CACNA1E: variants seen among roughly 807,000 people sequenced by gnomAD.
CACNA1E encodes calcium voltage-gated channel subunit alpha1 E, also known as voltage-dependent R-type calcium channel subunit alpha-1E.
Under a neutral mutation model 259.2 loss-of-function variants are expected in CACNA1E, and 40 were observed. The observed-to-expected ratio is 0.15, with a 90% CI of 0.12 to 0.20. The LOEUF (loss-of-function observed/expected upper bound fraction) is 0.20, where lower values mean the gene tolerates loss of function less well. Ranked by LOEUF, CACNA1E falls within the 10% of genes least tolerant of loss-of-function variation. The probability of loss-of-function intolerance (pLI) is 1.00; values close to 1 mark genes in which losing one functional copy is unlikely to be tolerated. For synonymous variants in CACNA1E, 1,104 were observed against 1,138.5 expected (o/e 0.97, Z 0.61); for missense variants, 1,874 against 3,040.1 (o/e 0.62, Z 9.02).
intron 25 of CACNA1E, chr1:181,745,412 A>G: frequency 2.1e-6 from 1 of 472,138 alleles, no homozygotes; most frequent in Non-Finnish European, 4.1e-6. Flanking sequence ...CACAGACCCA[A>G]GCAAAATGAA....
At position 181,769,951 on chromosome 1, in the gene CACNA1E, AGCT is replaced by A. The variant is rs1345519441; in HGVS notation, c.4882-1338_4882-1336del. Among the ~76,000 whole-genome samples, 6 of 152,228 alleles carry A rather than the reference AGCT, an allele frequency of 3.9e-5. No homozygotes were observed. In the South Asian group the frequency reaches 6.2e-4, roughly 16 times the overall value. ...ACTATTTGTCTCTTTGGGGCCCTCTAGCTGCTTCTTCTCTTTCCATTCTTCTCT... is the reference window on the plus strand; with the variant it reads ...ACTATTTGTCTCTTTGGGGCCCTCTAGCTTCTTCTCTTTCCATTCTTCTCT... On this transcript the variant is annotated intron_variant, in intron 35 of 47. Coordinates refer to ENST00000367573, the MANE Select transcript of CACNA1E (RefSeq NM_001205293.3).
rs187915539 is a variant in CACNA1E at position 181,383,773 on chromosome 1, G to A, written c.-14-29360G>A. On this transcript the variant is annotated intron_variant, in intron 1 of 11. Coordinates refer to the CACNA1E transcript ENST00000524607. Reference sequence around the variant, plus strand: ...AACTATATTTCCCTGCCTCCCTTACGGGGTATGAACATGTGACCAAACTCT... The same window carrying A: ...AACTATATTTCCCTGCCTCCCTTACAGGGTATGAACATGTGACCAAACTCT... Among the ~76,000 whole-genome samples, 47 of 152,304 alleles carry A rather than the reference G, an allele frequency of 3.1e-4. 1 individual carries two copies. Among genetic ancestry groups the A allele is most frequent in the African/African-American group, 1.1e-3 (46 of 41,566 alleles).
intron 7 of CACNA1E, among the ~76,000 whole-genome samples, chr1:181,702,183 C>T (rs1260459351): frequency 6.6e-6 from 1 of 152,116 alleles, no homozygotes; most frequent in Non-Finnish European, 1.5e-5. Flanking sequence ...TCTTTTCCAT[C>T]CTGGTTTGTT....
Position 181,380,097 on chromosome 1 carries a change from T to C in CACNA1E, c.-14-33036T>C, listed in dbSNP as rs188550831. Among the ~76,000 whole-genome samples, 242 of 150,182 alleles carry C rather than the reference T, an allele frequency of 1.6e-3. 5 individuals carry two copies. Among genetic ancestry groups the C allele is most frequent in the Admixed American group, 0.015 (226 of 15,074 alleles). On this transcript the variant is annotated intron_variant, in intron 1 of 11. Coordinates refer to the CACNA1E transcript ENST00000524607. The stretch of plus-strand genomic sequence containing the variant: ...TAAAATAGCAAAGAGTTGTAGGTAA[T>C]AAGCCAATAATGGAAATAAAATAGA...
intron 39 of CACNA1E, among the ~76,000 whole-genome samples, chr1:181,782,315 C>T (rs1660493942): frequency 6.6e-6 from 1 of 152,246 alleles, no homozygotes. Flanking sequence ...GATTATTGTA[C>T]ACTGGGAGTC....
At chr1:181,591,720 C>G (rs1249189323) in intron 6 of CACNA1E, among the ~76,000 whole-genome samples, 1 of 152,160 alleles carries the variant, frequency 6.6e-6, no homozygotes, top group Non-Finnish European at 1.5e-5. Flanking sequence ...TCTTACTTTA[C>G]TATCTATGTG....
chr1:181,466,547 T>TAAACAAAACA (rs1553255429), intron 2 of CACNA1E, among the ~76,000 whole-genome samples: 59,769 of 150,968 alleles, frequency 0.4, 13,071 homozygotes, highest in African/African-American at 0.6. Flanking sequence ...GACTCTGTCT[T>TAAACAAAACA]AAACAAAACA....
intron 1 of CACNA1E, among the ~76,000 whole-genome samples, chr1:181,497,716 G>A (rs951763012): frequency 1.3e-5 from 2 of 152,184 alleles, no homozygotes; most frequent in African/African-American, 4.8e-5. Flanking sequence ...CCTTGGGTTA[G>A]ACCAGAAGAC....
intron 3 of CACNA1E, among the ~76,000 whole-genome samples, chr1:181,556,731 T>C (rs530087149): frequency 5.9e-5 from 9 of 152,242 alleles, no homozygotes; most frequent in Admixed American, 5.2e-4. Flanking sequence ...GAGGGCACTG[T>C]GGTCATAATG....
chr1:181,514,578 C>T (rs1251835283), intron 3 of CACNA1E, among the ~76,000 whole-genome samples: 1 of 152,192 alleles, frequency 6.6e-6, no homozygotes, highest in Non-Finnish European at 1.5e-5. Flanking sequence ...TCCCTGCTGA[C>T]AGCTCTTCCT....
At chr1:181,360,194 A>G (rs1653764428) in intron 1 of CACNA1E, among the ~76,000 whole-genome samples, 1 of 152,232 alleles carries the variant, frequency 6.6e-6, no homozygotes, top group Non-Finnish European at 1.5e-5. Context: ...CATAGGGTTT[A>G]CCCAAAAAGT....
chr1:181,752,924 C>T (rs1657726914), intron 27 of CACNA1E, among the ~76,000 whole-genome samples: 1 of 152,236 alleles, frequency 6.6e-6, no homozygotes. Context: ...AAGCTTCCTG[C>T]ACTCTATCAC....
chr1:181,692,917 C>G (rs139804759), intron 7 of CACNA1E, among the ~76,000 whole-genome samples: 1 of 151,888 alleles, frequency 6.6e-6, no homozygotes, highest in South Asian at 2.1e-4. Flanking sequence ...GGTCTAATAT[C>G]CAGAATCTCT....
chr1:181,359,031 G>T (rs1324278593), intron 1 of CACNA1E, among the ~76,000 whole-genome samples: 1 of 152,188 alleles, frequency 6.6e-6, no homozygotes, highest in Admixed American at 6.5e-5. Context: ...CAGTGGCTTA[G>T]CCACTCACTA....
chr1:181,740,114 C>G lies in CACNA1E; in HGVS notation c.3719+861C>G, dbSNP rs80079555. ...CTTGTTCACCCTGAGCAGCTTCAGC[C>G]TCTTCCAGGAGGCACAACAGAATTC... is the stretch of plus-strand genomic sequence containing the variant. On this transcript the variant is annotated intron_variant, in intron 25 of 47. Transcript: ENST00000367573. Among the ~76,000 whole-genome samples, 385 of 152,286 alleles carry G rather than the reference C, an allele frequency of 2.5e-3. 2 individuals carry two copies. Among genetic ancestry groups the G allele is most frequent in the African/African-American group, 8.8e-3 (365 of 41,552 alleles).
chr1:181,735,839 T>C (rs1655984629), intron 21 of CACNA1E, among the ~76,000 whole-genome samples: 2 of 152,162 alleles, frequency 1.3e-5, no homozygotes, highest in African/African-American at 4.8e-5. Flanking sequence ...GAACTTTAGT[T>C]TTCCCATCTG....
At position 181,776,256 on chromosome 1, in the gene CACNA1E, G is replaced by A. The variant is rs771705015; in HGVS notation, c.5267+28G>A. ...GCGTAGGCCCCTCGGCCGCCCCAGCGGGGCCCAGAGCAAAGGTCTCTGGAG... is the reference window on the plus strand; with the variant it reads ...GCGTAGGCCCCTCGGCCGCCCCAGCAGGGCCCAGAGCAAAGGTCTCTGGAG... On this transcript the variant is annotated intron_variant, in intron 38 of 47. Transcript: ENST00000367573. The surrounding 1 kb of genome is among the most constrained non-coding windows in gnomAD (Gnocchi z 4.4). 4.6e-5 allele frequency: 74 copies of A among 1,612,794 alleles called. No individual in the cohort carries two copies. Among genetic ancestry groups the A allele is most frequent in the African/African-American group, 1.3e-4 (10 of 74,918 alleles).
chr1:181,665,459 T>C (rs1179673340), intron 7 of CACNA1E, among the ~76,000 whole-genome samples: 3 of 152,176 alleles, frequency 2.0e-5, no homozygotes, highest in African/African-American at 7.2e-5. Context: ...GGAGATAACT[T>C]CTACTTAGTA....
At chr1:181,510,967 T>C (rs1666115198) in intron 2 of CACNA1E, among the ~76,000 whole-genome samples, 1 of 152,214 alleles carries the variant, frequency 6.6e-6, no homozygotes, top group Admixed American at 6.5e-5. Flanking sequence ...CTTAAAGAAA[T>C]GAGTCACACA....
Sources: allele counts gnomAD v4.1 joint callset (sites outside exome capture counted in the v4.1 genomes callset), GRCh38; gene constraint gnomAD v4.1.1; non-coding constraint Gnocchi (gnomAD v3.1); transcripts MANE v1.5; gene names NCBI Gene and HGNC (gene_info 2026-07-23, HGNC 2026-07-21).